ATAD1: variants seen among roughly 807,000 people sequenced by gnomAD.
ATAD1 encodes ATPase family AAA domain containing 1, also known as outer mitochondrial transmembrane helix translocase.
In ATAD1, 18 loss-of-function variants were observed where a neutral mutation model predicts 42.7. The ratio of observed to expected loss-of-function variants is 0.42; its 90% CI spans 0.29 to 0.63. The LOEUF (loss-of-function observed/expected upper bound fraction) is 0.63, where lower values mean the gene tolerates loss of function less well. Among genes scored for constraint, ATAD1 ranks in the 20% least tolerant of loss-of-function variants. The pLI is 0.19. For missense variants in ATAD1, 294 were observed against 440.4 expected (o/e 0.67, Z 2.98); for synonymous variants, 132 against 143.1 (o/e 0.92, Z 0.55).
At chr10:87,838,243 T>A (rs1203705389) in intron 1 of ATAD1, among the ~76,000 whole-genome samples, 2 of 151,990 alleles carry the variant, frequency 1.3e-5, no homozygotes, top group African/African-American at 4.8e-5. Context: ...AAAGACAGGG[T>A]GGGCTGGGCG....
chr10:87,831,747 G>T (rs1352918024), intron 1 of ATAD1, among the ~76,000 whole-genome samples: 1 of 152,072 alleles, frequency 6.6e-6, no homozygotes, highest in Non-Finnish European at 1.5e-5. Context: ...ATGTCGTATG[G>T]CATACCCATA....
intron 8 of ATAD1, among the ~76,000 whole-genome samples, chr10:87,764,926 G>A (rs1425262046): frequency 1.3e-5 from 2 of 152,040 alleles, no homozygotes; most frequent in East Asian, 1.9e-4. Flanking sequence ...AAATTCATAC[G>A]ATCTTGAGTC....
chr10:87,789,226 CTAA>C (rs746765285), intron 4 of ATAD1, among the ~76,000 whole-genome samples: 19 of 152,212 alleles, frequency 1.2e-4, no homozygotes, highest in Middle Eastern at 6.8e-3. Flanking sequence ...ATCAATGTGA[CTAA>C]TAATTTAAGT....
At chr10:87,768,300 C>T (rs1308065267) in intron 7 of ATAD1, among the ~76,000 whole-genome samples, 1 of 152,104 alleles carries the variant, frequency 6.6e-6, no homozygotes, top group Non-Finnish European at 1.5e-5. Flanking sequence ...TATAGAATCC[C>T]TCAGCTATAT....
At chr10:87,766,168 G>A (rs1218203483) in intron 8 of ATAD1, among the ~76,000 whole-genome samples, 1 of 152,176 alleles carries the variant, frequency 6.6e-6, no homozygotes, top group Non-Finnish European at 1.5e-5. Flanking sequence ...ACAGGAATAT[G>A]AGTAAACCGT....
chr10:87,837,452 G>C (rs536320046), intron 1 of ATAD1, among the ~76,000 whole-genome samples: 1 of 152,128 alleles, frequency 6.6e-6, no homozygotes, highest in Non-Finnish European at 1.5e-5. Context: ...TGGTAGGGTG[G>C]TGGACTTGTG....
intron 8 of ATAD1, among the ~76,000 whole-genome samples, chr10:87,764,185 C>T (rs985141573): frequency 1.3e-5 from 2 of 150,920 alleles, no homozygotes; most frequent in African/African-American, 4.8e-5. Flanking sequence ...ATGGGCCGAG[C>T]GCAGTGGCTC....
chr10:87,794,065 C>T (rs1280033844), intron 2 of ATAD1, among the ~76,000 whole-genome samples: 1 of 151,950 alleles, frequency 6.6e-6, no homozygotes, highest in Non-Finnish European at 1.5e-5. Context: ...TACAAAAAAT[C>T]AAAACTTAGC....
At chr10:87,794,697 C>T (rs1472700798) in intron 2 of ATAD1, among the ~76,000 whole-genome samples, 2 of 152,148 alleles carry the variant, frequency 1.3e-5, no homozygotes, top group Admixed American at 6.6e-5. Context: ...TATGAGAAAC[C>T]CTGTTTTATT....
chr10:87,759,348 CTTAA>C (rs1854375795), intron 8 of ATAD1, among the ~76,000 whole-genome samples: 1 of 150,916 alleles, frequency 6.6e-6, no homozygotes, highest in Non-Finnish European at 1.5e-5. Context: ...TAAGGCTGTA[CTTAA>C]TTAAAAAAAA....
At chr10:87,764,354 C>T (rs999642528) in intron 8 of ATAD1, among the ~76,000 whole-genome samples, 3 of 151,950 alleles carry the variant, frequency 2.0e-5, no homozygotes, top group Non-Finnish European at 2.9e-5. Context: ...CCCAGCTACT[C>T]GGGAAGCTGA....
At chr10:87,782,825 C>T (rs748027516) in intron 5 of ATAD1, among the ~76,000 whole-genome samples, 17 of 151,808 alleles carry the variant, frequency 1.1e-4, no homozygotes, top group Non-Finnish European at 1.8e-4. Context: ...AGTGAGACTT[C>T]GTCTCTACAA....
intron 2 of ATAD1, among the ~76,000 whole-genome samples, chr10:87,793,864 A>T (rs1445190503): frequency 6.6e-6 from 1 of 152,136 alleles, no homozygotes; most frequent in African/African-American, 2.4e-5. Flanking sequence ...CTCTAAAAGG[A>T]AATTCACATC....
In ATAD1 at chr10:87,763,272, C is replaced by T. The variant is rs541199400; in HGVS notation, c.831+4401G>A. 2.8e-3 allele frequency among the ~76,000 whole-genome samples: 424 copies of T among 152,028 alleles called. 2 individuals are homozygous for T. The highest frequency in any genetic ancestry group is 5.0e-3 in the Non-Finnish European group (342 of 67,952). On this transcript the variant is annotated intron_variant, in intron 8 of 9. Transcript: ENST00000680024. ...TTCTTAAAGGGCTCTATGACATGCT[C>T]CCCCCAAAATGATTCATAACCACTG...
At chr10:87,837,577 C>A (rs1857952289) in intron 1 of ATAD1, among the ~76,000 whole-genome samples, 1 of 152,296 alleles carries the variant, frequency 6.6e-6, no homozygotes, top group South Asian at 2.1e-4. Context: ...ATCAACTTAA[C>A]TACTACTTCT....
intron 1 of ATAD1, chr10:87,817,844 TC>T: frequency 2.0e-6 from 2 of 985,464 alleles, no homozygotes; most frequent in South Asian, 9.4e-5. Context: ...TCTGAAGTCT[TC>T]CGGGACGACC....
Position 87,814,630 on chromosome 10 carries a change from A to T in ATAD1, c.-13-18T>A. The T allele has an allele frequency of 4.5e-6, 7 of 1,567,298 alleles. No homozygotes were observed. The highest frequency in any genetic ancestry group is 6.0e-6 in the Non-Finnish European group (7 of 1,158,526). On this transcript the variant is annotated intron_variant, in intron 1 of 9. Coordinates refer to ENST00000680024, the MANE Select transcript of ATAD1 (RefSeq NM_001321967.2). The stretch of plus-strand genomic sequence containing the variant: ...ATGTTAACCTTAAAAAAACAAACAG[A>T]AATGTCACTAGGTAATAACTATACT...
chr10:87,833,794 C>G (rs1213063851), intron 1 of ATAD1, among the ~76,000 whole-genome samples: 1 of 127,752 alleles, frequency 7.8e-6, no homozygotes, highest in Non-Finnish European at 1.6e-5. Flanking sequence ...GTGGCATGAT[C>G]TCAGCTCACT....
intron 1 of ATAD1, among the ~76,000 whole-genome samples, chr10:87,840,641 A>C (rs1858015456): frequency 1.3e-5 from 2 of 152,254 alleles, no homozygotes. Context: ...ATTTGTAATT[A>C]ACTAGGCCTC....
Sources: allele counts gnomAD v4.1 joint callset (sites outside exome capture counted in the v4.1 genomes callset), GRCh38; gene constraint gnomAD v4.1.1; transcripts MANE v1.5; gene names NCBI Gene and HGNC (gene_info 2026-07-23, HGNC 2026-07-21).